SKIC3: variants seen among roughly 807,000 people sequenced by gnomAD.
The protein encoded by SKIC3 is superkiller complex protein 3.
At chr5:95,472,506 T>G in the SKIC3 span, among the ~76,000 whole-genome samples, 2 of 152,086 alleles carry the variant, frequency 1.3e-5, no homozygotes, top group Non-Finnish European at 2.9e-5. Context: ...CTCTCTCTGG[T>G]AGGACCCCCT....
At chr5:95,489,732 A>C in the SKIC3 span, among the ~76,000 whole-genome samples, 1 of 152,178 alleles carries the variant, frequency 6.6e-6, no homozygotes, top group Non-Finnish European at 1.5e-5. Context: ...TCAAACACCT[A>C]TAGTCTAAAC....
At chr5:95,508,642 G>C in the SKIC3 span, among the ~76,000 whole-genome samples, 1 of 152,058 alleles carries the variant, frequency 6.6e-6, no homozygotes, top group Non-Finnish European at 1.5e-5. Context: ...GCATTCTCTG[G>C]CCCTTTTCCC....
chr5:95,527,666 T>C, the SKIC3 span, among the ~76,000 whole-genome samples: 3 of 152,196 alleles, frequency 2.0e-5, no homozygotes, highest in Non-Finnish European at 1.5e-5. Flanking sequence ...TCCTTAATTA[T>C]TCTTGTCAAA....
the SKIC3 span, chr5:95,550,567 T>C: frequency 1.3e-5 from 2 of 152,260 alleles, no homozygotes. Context: ...TTATTTAGCA[T>C]TGTAGACACT....
At chr5:95,546,117 C>T in the SKIC3 span, among the ~76,000 whole-genome samples, 1 of 152,098 alleles carries the variant, frequency 6.6e-6, no homozygotes, top group Admixed American at 6.6e-5. Context: ...TCATCACTCC[C>T]TTGTCATGTC....
chr5:95,516,251 G>C, the SKIC3 span: 1 of 1,214,324 alleles, frequency 8.2e-7, no homozygotes, highest in African/African-American at 1.5e-5. Flanking sequence ...GCTAGATAAC[G>C]ATGTGCAAAA....
At chr5:95,553,802 G>T in the SKIC3 span, among the ~76,000 whole-genome samples, 1 of 152,126 alleles carries the variant, frequency 6.6e-6, no homozygotes, top group Non-Finnish European at 1.5e-5. Flanking sequence ...TCGGTGATCC[G>T]CCCGTCTCGG....
chr5:95,494,900 T>C, the SKIC3 span: 2 of 1,595,866 alleles, frequency 1.3e-6, no homozygotes, highest in Non-Finnish European at 8.6e-7. Context: ...CTATGAAAAC[T>C]ATTATTCCTT....
chr5:95,540,873 A>T, the SKIC3 span: 1 of 1,600,110 alleles, frequency 6.2e-7, no homozygotes, highest in South Asian at 1.1e-5. Flanking sequence ...CCAAAATGTA[A>T]AAATGCCAAT....
the SKIC3 span, among the ~76,000 whole-genome samples, chr5:95,550,273 A>G: frequency 6.6e-6 from 1 of 152,038 alleles, no homozygotes; most frequent in Non-Finnish European, 1.5e-5. Flanking sequence ...GGTATGATAT[A>G]TATGTCCCCA....
At chr5:95,484,970 G>A in the SKIC3 span, 1 of 996,766 alleles carries the variant, frequency 1.0e-6, no homozygotes, top group South Asian at 1.3e-5. Flanking sequence ...AAAGTTACAT[G>A]TGCCACATGT....
chr5:95,467,914 C>G, the SKIC3 span: 5 of 1,613,550 alleles, frequency 3.1e-6, no homozygotes, highest in South Asian at 4.4e-5. Flanking sequence ...TCAGTAGGTA[C>G]CAACGTGCAG....
chr5:95,517,095 A>C, the SKIC3 span: 1 of 1,613,526 alleles, frequency 6.2e-7, no homozygotes, highest in South Asian at 1.1e-5. Flanking sequence ...TTTTTGTTAC[A>C]ATGCCTTAAT....
chr5:95,488,305 T>C, the SKIC3 span, among the ~76,000 whole-genome samples: 5 of 152,320 alleles, frequency 3.3e-5, no homozygotes, highest in African/African-American at 1.2e-4. Flanking sequence ...GCAAGAGATT[T>C]AGACATCTGA....
chr5:95,525,958 T>C, the SKIC3 span, among the ~76,000 whole-genome samples: 1 of 152,160 alleles, frequency 6.6e-6, no homozygotes, highest in African/African-American at 2.4e-5. Flanking sequence ...TTTTCATCTA[T>C]ACCTCCACTA....
At chr5:95,494,084 G>GT in the SKIC3 span, among the ~76,000 whole-genome samples, 1 of 152,076 alleles carries the variant, frequency 6.6e-6, no homozygotes, top group East Asian at 1.9e-4. Context: ...AAATAATTTA[G>GT]TAACTATAGG....
chr5:95,477,705 T>C, the SKIC3 span, among the ~76,000 whole-genome samples: 2 of 152,198 alleles, frequency 1.3e-5, no homozygotes, highest in African/African-American at 4.8e-5. Flanking sequence ...ACACATGGTA[T>C]ATTTAGAGAT....
At chr5:95,490,996 G>C in the SKIC3 span, 1 of 1,614,008 alleles carries the variant, frequency 6.2e-7, no homozygotes, top group South Asian at 1.1e-5. Flanking sequence ...TATCATCAGC[G>C]TGACAGGCTG....
chr5:95,501,922 A>G, the SKIC3 span, among the ~76,000 whole-genome samples: 33 of 152,202 alleles, frequency 2.2e-4, 1 homozygote, highest in Non-Finnish European at 4.1e-4. Flanking sequence ...ATGTAAAGTG[A>G]CAGGATTTTC....
Sources: allele counts gnomAD v4.1 joint callset (sites outside exome capture counted in the v4.1 genomes callset), GRCh38; gene constraint gnomAD v4.1.1; transcripts MANE v1.5; gene names NCBI Gene and HGNC (gene_info 2026-07-23, HGNC 2026-07-21).